Variants in MUC6 observed in about 807,000 individuals in gnomAD.
The protein encoded by MUC6 is mucin-6.
In MUC6, 188 loss-of-function variants were observed where a neutral mutation model predicts 201.5. That is an observed-to-expected ratio of 0.93 (90% CI 0.83 to 1.05). The LOEUF is 1.05. Among genes scored for constraint, MUC6 ranks in the 50% least tolerant of loss-of-function variants. MUC6 has a pLI of 0.00. For missense variants in MUC6, 2,706 were observed against 3,256.9 expected (o/e 0.83, Z 4.12); for synonymous variants, 1,228 against 1,389.4 (o/e 0.88, Z 2.58).
chr11:1,033,732 C>A lies in MUC6; in HGVS notation c.53-657G>T, dbSNP rs903636818. 4.6e-5 allele frequency among the ~76,000 whole-genome samples: 7 copies of A among 152,024 alleles called. No individual in the cohort carries two copies. The highest frequency in any genetic ancestry group is 7.2e-5 in the African/African-American group (3 of 41,392). On this transcript the variant is annotated intron_variant, in intron 1 of 32. Transcript: ENST00000421673. This position sits in a 1 kb window ranked among gnomAD's most constrained non-coding sequence, Gnocchi z 5.6. ...AGGCTGGGGTGGGGCCAACACCCCC[C>A]ACGTCCCACCCCCTGTACCCAGAGG... is the stretch of plus-strand genomic sequence containing the variant.
chr11:1,023,433 T>C (rs1856871418), intron 26 of MUC6, 76 bp downstream of exon 26: 1 of 1,481,834 alleles, frequency 6.7e-7, no homozygotes, highest in Non-Finnish European at 9.1e-7. Flanking sequence ...AATGAATGCG[T>C]GTGAATGAAT....
chr11:1,023,630 G>C lies in MUC6; in HGVS notation c.3405C>G (p.Asn1135Lys). ...CGCCATGGCCGTCCTGCGTGTGCGT[G>C]TTGTAGAAGCCGCAGTAGATGGCTG... is the stretch of plus-strand genomic sequence containing the variant. Reference protein sequence around the residue: ...AFCPIYCGFYNTHTQDGHGEY... With the variant: ...AFCPIYCGFYKTHTQDGHGEY... Residue 1135 changes from asparagine (N) to lysine (K), a missense_variant, in exon 26 of 33, where the codon AAC becomes AAG. This residue lies in a region of MUC6 where 1,850 missense variants were observed against 1,958.3 expected (regional missense o/e 0.94). Transcript: ENST00000421673. 2 of 1,612,800 alleles carry C rather than the reference G, an allele frequency of 1.2e-6. No individual in the cohort carries two copies. Among genetic ancestry groups the C allele is most frequent in the Non-Finnish European group, 1.7e-6 (2 of 1,179,830 alleles).
chr11:1,024,140 G>C, intron 24 of MUC6, 37 bp from the exon 25 acceptor site: 2 of 1,588,330 alleles, frequency 1.3e-6, no homozygotes, highest in South Asian at 2.3e-5. Flanking sequence ...CTGGCTGCCG[G>C]GGGATGGCGG....
chr11:1,032,362 T>C (rs973977844), intron 2 of MUC6, among the ~76,000 whole-genome samples: 3 of 151,832 alleles, frequency 2.0e-5, no homozygotes, highest in Non-Finnish European at 4.4e-5. Flanking sequence ...CATGTGTGCA[T>C]TGTGGGTGTG....
At chr11:1,024,673 CCACAT>C (rs1430556005) in intron 24 of MUC6, among the ~76,000 whole-genome samples, 166 bp downstream of exon 24, 1 of 152,208 alleles carries the variant, frequency 6.6e-6, no homozygotes, top group Non-Finnish European at 1.5e-5. Flanking sequence ...CGAGTCGGCC[CCACAT>C]CAGGGCCCTG....
At chr11:1,023,732 A>G (rs1389555488) in intron 25 of MUC6, 80 bp from the exon 26 acceptor site, 7 of 1,566,934 alleles carry the variant, frequency 4.5e-6, no homozygotes, top group Admixed American at 3.5e-5. Context: ...CTGGGCATGC[A>G]TGGAACCTGA....
intron 15 of MUC6, 34 bp downstream of exon 15, chr11:1,027,931 C>T (rs1218600357): frequency 5.1e-6 from 8 of 1,562,256 alleles, no homozygotes; most frequent in African/African-American, 1.4e-5. Flanking sequence ...ACAGCCTCCC[C>T]TGCAGCCCTC....
chr11:1,026,503 C>T (rs1006213751), intron 19 of MUC6, 25 bp from the exon 20 acceptor site: 4 of 1,550,324 alleles, frequency 2.6e-6, no homozygotes, highest in Admixed American at 3.8e-5. Context: ...GTCAGCAGCT[C>T]CTGGGAGGGT....
chr11:1,025,869 G>C lies in MUC6; in HGVS notation c.2735C>G (p.Thr912Arg). Residue 912 changes from threonine (T) to arginine (R), a missense_variant, in exon 22 of 33, where the codon ACA becomes AGA. By Grantham distance (71) the Thr-to-Arg change is moderately conservative. This residue lies in a region of MUC6 where 1,850 missense variants were observed against 1,958.3 expected (regional missense o/e 0.94). Coordinates refer to ENST00000421673, the MANE Select transcript of MUC6 (RefSeq NM_005961.3). ...GGAGTTCCCACAGATGACGTTCTCT[G>C]TCAGGATCTTGAAGGTGGGCTGTGA... ...NDSQPTFKIL[T>R]ENVICGNSGV... The C allele has an allele frequency of 6.2e-7, 1 of 1,612,924 alleles. No individual in the cohort carries two copies. Among genetic ancestry groups the C allele is most frequent in the East Asian group, 2.2e-5 (1 of 44,868 alleles).
chr11:1,013,995 C>T lies in MUC6; in HGVS notation c.7046G>A (p.Cys2349Tyr). The T allele has an allele frequency of 2.5e-6, 4 of 1,607,030 alleles. No individual in the cohort carries two copies. Among genetic ancestry groups the T allele is most frequent in the South Asian group, 2.2e-5 (2 of 89,990 alleles). ...CTCCTCCTGCTGCTCCCGCACACTG[C>T]AGACCCCTGGTAGCCGAGTGGACGG... ...GTPTPTSPGV[C>Y]SVREQQEEIT... The change falls in exon 32 of 33, where the codon TGC (cysteine) becomes TAC (tyrosine). Residue 2349 changes from cysteine (C) to tyrosine (Y), a missense_variant. Cys to Tyr is a radical substitution (Grantham distance 194). This residue lies in a region of MUC6 where 586 missense variants were observed against 488.0 expected (regional missense o/e 1.20). Transcript: ENST00000421673.
In MUC6 at chr11:1,031,680, T is replaced by C; in HGVS notation, c.410A>G (p.Gln137Arg). Residue 137 changes from glutamine to arginine, a missense_variant, in exon 4 of 33, where the codon CAG becomes CGG. By Grantham distance (43) the Gln-to-Arg change is conservative (BLOSUM62 1). Transcript: ENST00000421673. Reference sequence around the variant, plus strand: ...CTGCTTGGCCACCAGCCGCACGCTCTGGCCGAAGGGTGTGATCTGGAGTCC... The same window carrying C: ...CTGCTTGGCCACCAGCCGCACGCTCCGGCCGAAGGGTGTGATCTGGAGTCC... ...SNGLQITPFG[Q>R]SVRLVAKQLE... The C allele has an allele frequency of 2.6e-6, 4 of 1,550,986 alleles. No individual in the cohort carries two copies. The highest frequency in any genetic ancestry group is 3.5e-6 in the Non-Finnish European group (4 of 1,147,030).
chr11:1,019,925 G>GA, intron 29 of MUC6, 165 bp downstream of exon 29: 1 of 988,946 alleles, frequency 1.0e-6, no homozygotes, highest in South Asian at 1.4e-5. Context: ...AAGTTTTTCC[G>GA]AAAAATCCCC....
intron 32 of MUC6, 70 bp downstream of exon 32, chr11:1,013,829 C>T (rs754863518): frequency 6.4e-5 from 96 of 1,509,698 alleles, no homozygotes; most frequent in Middle Eastern, 5.1e-4. Flanking sequence ...GTGGGGTGCC[C>T]GAACCTCTCT....
At position 1,027,263 on chromosome 11, in the gene MUC6, C is replaced by T; in HGVS notation, c.2231+5G>A. ...CCCCCGCCTGGCCCCTGCCCGGTCC[C>T]TCACCAGGTGATGCCGTTGATGACA... On this transcript the variant is annotated splice_donor_5th_base_variant and intron_variant, in intron 17 of 32. Transcript: ENST00000421673. The T allele has an allele frequency of 6.2e-7, 1 of 1,612,332 alleles. No individual in the cohort carries two copies. The highest frequency in any genetic ancestry group is 8.5e-7 in the Non-Finnish European group (1 of 1,179,838).
At position 1,026,095 on chromosome 11, in the gene MUC6, G is replaced by T. The variant is rs747284925; in HGVS notation, c.2593C>A (p.Pro865Thr). 3 of 1,599,992 alleles carry T rather than the reference G, an allele frequency of 1.9e-6. No individual in the cohort carries two copies. Reference sequence around the variant, plus strand: ...TCCCCGTAGAGGGTGCAGGTGGATGGGCAGTGGGTGCCCTGCTGACAGGCC... The same window carrying T: ...TCCCCGTAGAGGGTGCAGGTGGATGTGCAGTGGGTGCCCTGCTGACAGGCC... ...RWACQQGTHC[P>T]STCTLYGEGH... is the part of the protein sequence containing the mutation. Residue 865 changes from proline to threonine, a missense_variant, in exon 21 of 33, where the codon CCA (proline) becomes ACA (threonine). Coordinates refer to ENST00000421673, the MANE Select transcript of MUC6 (RefSeq NM_005961.3).
rs753942569 is a variant in MUC6, at chr11:1,016,015, A to G, written c.6786T>C (p.Pro2262=). The change falls in exon 31 of 33, where the codon CCT becomes CCC. Residue 2262 remains proline (P), a synonymous_variant. Transcript: ENST00000421673. The stretch of plus-strand genomic sequence containing the variant: ...AGGTGGTGGACTGAGAGGAGAAGGC[A>G]GGGGCGGTGTGGGTGCTGGCCGTGG... ...PRTTASTHTA[P]AFSSQSTTSR... is the part of the protein sequence containing the mutation. The G allele has an allele frequency of 5.0e-6, 8 of 1,606,860 alleles. 1 individual carries two copies. The highest frequency in any genetic ancestry group is 4.0e-5 in the African/African-American group (3 of 74,790).
Position 1,028,941 on chromosome 11 carries a change from C to CT in MUC6, c.1400dup (p.Asp468GlyfsTer76). On this transcript the variant is annotated frameshift_variant, in exon 12 of 33. Transcript: ENST00000421673. LOFTEE classifies it high-confidence loss of function. ...CTCCGTTGTTGGTGACCACCTCGTC[C>CT]TGAGAGATCACAATTTTGTCCTGGA... The CT allele has an allele frequency of 7.4e-6, 12 of 1,613,106 alleles. No homozygotes were observed. The highest frequency in any genetic ancestry group is 1.0e-5 in the Non-Finnish European group (12 of 1,179,888).
Position 1,027,107 on chromosome 11 carries a change from A to G in MUC6, c.2284+34T>C, listed in dbSNP as rs568695660. ...CTCAGAGGAAGCCGGGGCCCCTCACAGTCCCAGCCTGCGGCCAGCGCTGCT... is the reference window on the plus strand; with the variant it reads ...CTCAGAGGAAGCCGGGGCCCCTCACGGTCCCAGCCTGCGGCCAGCGCTGCT... On this transcript the variant is annotated intron_variant, in intron 18 of 32. Coordinates refer to ENST00000421673, the MANE Select transcript of MUC6 (RefSeq NM_005961.3). The G allele has an allele frequency of 1.6e-4, 262 of 1,611,602 alleles. No homozygotes were observed. The Admixed American group carries it at 2.2e-3, about 13-fold the overall frequency.
chr11:1,016,358 G>C lies in MUC6; in HGVS notation c.6443C>G (p.Ser2148Cys). 6.2e-7 allele frequency: 1 copy of C among 1,611,908 alleles called. No homozygotes were observed. The highest frequency in any genetic ancestry group is 1.3e-5 in the African/African-American group (1 of 74,938). ...PSTVSSYVPS[S>C]HSSPQTSSPS... ...CGATGAAGTCTGGGGAGAGGAGTGG[G>C]AGGAGGGCACATAAGAAGAAACAGT... Residue 2148 changes from serine to cysteine, a missense_variant, in exon 31 of 33, where the codon TCC becomes TGC. Ser to Cys is a moderately radical substitution (Grantham distance 112). Coordinates refer to ENST00000421673, the MANE Select transcript of MUC6 (RefSeq NM_005961.3).
Sources: gnomAD v4.1 joint callset for allele counts (sites outside exome capture counted in the v4.1 genomes callset) on GRCh38, gnomAD v4.1.1 for gene constraint, gnomAD v4.1.1 regional missense constraint, Gnocchi (gnomAD v3.1) non-coding constraint, MANE v1.5 for transcripts, NCBI Gene and HGNC (gene_info 2026-07-23, HGNC 2026-07-21) for gene names.